The following ZNF878 variants were observed in gnomAD, a reference collection of about 807,000 sequenced individuals.
The protein encoded by ZNF878 is zinc finger protein 878.
Under a neutral mutation model 11.1 loss-of-function variants are expected in ZNF878, and 10 were observed. That is an observed-to-expected ratio of 0.90 (90% CI 0.56 to 1.53). The LOEUF is 1.53. Among genes scored for constraint, ZNF878 ranks in the 40% most tolerant of loss-of-function variants. The probability of loss-of-function intolerance (pLI) is 0.00; values close to 1 mark genes in which losing one functional copy is unlikely to be tolerated. For missense variants in ZNF878, 548 were observed against 626.1 expected, an observed-to-expected ratio of 0.88 and a Z score of 1.33; for synonymous variants, 165 against 209.7, an observed-to-expected ratio of 0.79 and a Z score of 1.84.
At chr19:12,047,219 G>A (rs768412223) in intron 1 of ZNF878, among the ~76,000 whole-genome samples, 1 of 152,028 alleles carries the variant, frequency 6.6e-6, no homozygotes, top group Non-Finnish European at 1.5e-5. Context: ...AGTAGCAGAA[G>A]CCAAAAACAA....
At position 12,044,553 on chromosome 19, in the gene ZNF878, T is replaced by A; in HGVS notation, c.848A>T (p.Tyr283Phe). ...HERTHSGEKP[Y>F]ECTQCRKAFR... Reference sequence around the variant, plus strand: ...GGCTTTCCTACATTGTGTACACTCATAGGGTTTCTCTCCACTGTGAGTCCT... The same window carrying A: ...GGCTTTCCTACATTGTGTACACTCAAAGGGTTTCTCTCCACTGTGAGTCCT... The change falls in exon 4 of 4, where the codon TAT (tyrosine) becomes TTT (phenylalanine). Residue 283 changes from tyrosine (Y) to phenylalanine (F), a missense_variant. Physicochemically the swap from Tyr to Phe is conservative, Grantham distance 22. Around this residue, in one of 3 missense-constraint regions of ZNF878, gnomAD observed 335 missense variants for 358.2 expected, o/e 0.94. Transcript: ENST00000547628. 1 of 1,614,054 alleles carries A rather than the reference T, an allele frequency of 6.2e-7. No homozygotes were observed. The highest frequency in any genetic ancestry group is 8.5e-7 in the Non-Finnish European group (1 of 1,180,000).
chr19:12,050,225 A>AAAAGT (rs1374060903), intron 1 of ZNF878, among the ~76,000 whole-genome samples: 1 of 151,686 alleles, frequency 6.6e-6, no homozygotes, highest in African/African-American at 2.4e-5. Flanking sequence ...ACTCCGTCTC[A>AAAAGT]AAAGTAAATA....
chr19:12,047,565 T>TA (rs58640903), intron 1 of ZNF878, among the ~76,000 whole-genome samples: 10,624 of 140,498 alleles, frequency 0.076, 1,201 homozygotes, highest in African/African-American at 0.25. Context: ...CTCCATCGGT[T>TA]AAAAAAAAAA....
Position 12,044,013 on chromosome 19 carries a change from GAAGA to G in ZNF878, c.1384_1387del (p.Ser462LeufsTer64), listed in dbSNP as rs2145516990. On this transcript the variant is annotated frameshift_variant, in exon 4 of 4. Transcript: ENST00000547628. LOFTEE classifies it low-confidence loss of function (END_TRUNC). ...CCTTTTATGATAGCGAATAGAATTA[GAAGA>G]AATGAAGGCTTTTCCACATTGCTTA... is the stretch of plus-strand genomic sequence containing the variant. The G allele has an allele frequency of 1.2e-6, 2 of 1,610,628 alleles. No individual in the cohort carries two copies. Among genetic ancestry groups the G allele is most frequent in the African/African-American group, 1.3e-5 (1 of 74,846 alleles).
At chr19:12,051,855 C>G (rs891814071) in intron 1 of ZNF878, among the ~76,000 whole-genome samples, 1 of 152,106 alleles carries the variant, frequency 6.6e-6, no homozygotes, top group Admixed American at 6.6e-5. Flanking sequence ...TGCAGTGAGC[C>G]GAGATGGCGC....
Position 12,052,945 on chromosome 19 carries a change from C to G in ZNF878, c.-144G>C. On this transcript the variant is annotated 5_prime_UTR_variant, in exon 1 of 4. Coordinates refer to ENST00000547628, the MANE Select transcript of ZNF878 (RefSeq NM_001080404.3). ...AGAAAGCCCCAGACCTTAACTAGCGCGAGCAGCCCTAGGAGTGAAGAGAGC... is the reference window on the plus strand; with the variant it reads ...AGAAAGCCCCAGACCTTAACTAGCGGGAGCAGCCCTAGGAGTGAAGAGAGC... 1 of 1,360,130 alleles carries G rather than the reference C, an allele frequency of 7.4e-7. No individual in the cohort carries two copies. The highest frequency in any genetic ancestry group is 1.4e-5 in the South Asian group (1 of 73,700). 84.3% of individuals were successfully genotyped at this position (1,360,130 alleles called of 1,614,324 possible). A position where few individuals can be genotyped will look rare whatever the true frequency, so the allele number is the denominator to read the frequency against.
At position 12,048,885 on chromosome 19, in the gene ZNF878, G is replaced by A. The variant is rs566338473; in HGVS notation, c.4-2125C>T. Among the ~76,000 whole-genome samples, 22 of 151,146 alleles carry A rather than the reference G, an allele frequency of 1.5e-4. No individual in the cohort carries two copies. In the South Asian group the frequency reaches 1.7e-3, roughly 12 times the overall value. ...AAAAGAAAAGAAAGAAAGGCTGGGCGCGGTGCCTCAGCACTTTGGGAAACT... is the reference window on the plus strand; with the variant it reads ...AAAAGAAAAGAAAGAAAGGCTGGGCACGGTGCCTCAGCACTTTGGGAAACT... On this transcript the variant is annotated intron_variant, in intron 1 of 3. Coordinates refer to ENST00000547628, the MANE Select transcript of ZNF878 (RefSeq NM_001080404.3).
In ZNF878 at chr19:12,046,701, C is replaced by T. The variant is rs760213450; in HGVS notation, c.63G>A (p.Leu21=). Residue 21 remains leucine (L), a synonymous_variant, in exon 2 of 4, where the codon CTG becomes CTA. Coordinates refer to ENST00000547628, the MANE Select transcript of ZNF878 (RefSeq NM_001080404.3). Reference sequence around the variant, plus strand: ...TGTAGAGATTTTTCTGGGAAGGATCCAGCAAAGCCCACTCCTCCTGGGTGA... The same window carrying T: ...TGTAGAGATTTTTCTGGGAAGGATCTAGCAAAGCCCACTCCTCCTGGGTGA... ...VNFTQEEWAL[L]DPSQKNLYRE... is the part of the protein sequence containing the mutation. 4 of 1,614,082 alleles carry T rather than the reference C, an allele frequency of 2.5e-6. No homozygotes were observed. The highest frequency in any genetic ancestry group is 3.4e-6 in the Non-Finnish European group (4 of 1,180,002).
At chr19:12,047,614 A>G (rs1170752191) in intron 1 of ZNF878, among the ~76,000 whole-genome samples, 2 of 152,070 alleles carry the variant, frequency 1.3e-5, no homozygotes, top group Non-Finnish European at 2.9e-5. Context: ...ACTAACTAAA[A>G]CAAAAACTCA....
chr19:12,051,689 A>T (rs777710956), intron 1 of ZNF878, among the ~76,000 whole-genome samples: 1 of 152,046 alleles, frequency 6.6e-6, no homozygotes, highest in Non-Finnish European at 1.5e-5. Flanking sequence ...GGCGGATCAC[A>T]AAGTCAGGAG....
At position 12,043,815 on chromosome 19, in the gene ZNF878, T is replaced by G; in HGVS notation, c.1586A>C (p.His529Pro). ...ACATCCATAGAGTTTCTAGCCAGCG[T>G]GAGTCCTTACATGCTTTTGAAGGAT... The part of the protein sequence containing the change: ...ASILQKHVRT[H>P]AG Residue 529 changes from histidine (H) to proline (P), a missense_variant, in exon 4 of 4, where the codon CAC becomes CCC. Coordinates refer to ENST00000547628, the MANE Select transcript of ZNF878 (RefSeq NM_001080404.3). 1 of 1,600,180 alleles carries G rather than the reference T, an allele frequency of 6.2e-7. No homozygotes were observed. Among genetic ancestry groups the G allele is most frequent in the Non-Finnish European group, 8.5e-7 (1 of 1,175,086 alleles).
At chr19:12,045,377 G>A (rs1320512422) in intron 3 of ZNF878, among the ~76,000 whole-genome samples, 168 bp from the exon 4 acceptor site, 1 of 152,176 alleles carries the variant, frequency 6.6e-6, no homozygotes, top group African/African-American at 2.4e-5. Flanking sequence ...GCCAGGCATG[G>A]TGGCTCACGC....
chr19:12,046,354 T>C lies in ZNF878; in HGVS notation c.191+14A>G, dbSNP rs1975487429. Reference sequence around the variant, plus strand: ...TATACAGAGACATTGTTTTCTCTTTTAAGTGCCAGTTACCTTAGGTTTCTC... The same window carrying C: ...TATACAGAGACATTGTTTTCTCTTTCAAGTGCCAGTTACCTTAGGTTTCTC... On this transcript the variant is annotated intron_variant, in intron 3 of 3. Transcript: ENST00000547628. 1.3e-6 allele frequency: 2 copies of C among 1,545,976 alleles called. No homozygotes were observed. Among genetic ancestry groups the C allele is most frequent in the East Asian group, 2.3e-5 (1 of 42,616 alleles).
chr19:12,051,021 G>C lies in ZNF878; in HGVS notation c.3+1778C>G, dbSNP rs1417723804. On this transcript the variant is annotated intron_variant, in intron 1 of 3. Transcript: ENST00000547628. ...TGAGGCAGGACAATGGCGTGAACCCGGGAGGCGGAGCTTGCAGTGAGCAGA... is the reference window on the plus strand; with the variant it reads ...TGAGGCAGGACAATGGCGTGAACCCCGGAGGCGGAGCTTGCAGTGAGCAGA... 2.0e-5 allele frequency among the ~76,000 whole-genome samples: 3 copies of C among 151,102 alleles called. No individual in the cohort carries two copies. In the East Asian group the frequency reaches 5.8e-4, roughly 29 times the overall value.
Position 12,046,728 on chromosome 19 carries a change from G to A in ZNF878, c.36C>T (p.Asn12=). 1 of 1,614,068 alleles carries A rather than the reference G, an allele frequency of 6.2e-7. No individual in the cohort carries two copies. Among genetic ancestry groups the A allele is most frequent in the South Asian group, 1.1e-5 (1 of 91,080 alleles). The change falls in exon 2 of 4, where the codon AAC becomes AAT. Residue 12 remains asparagine (N), a synonymous_variant. Coordinates refer to ENST00000547628, the MANE Select transcript of ZNF878 (RefSeq NM_001080404.3). Reference sequence around the variant, plus strand: ...GCAAAGCCCACTCCTCCTGGGTGAAGTTCACAGCCACATCCTCAAAGGCCA... The same window carrying A: ...GCAAAGCCCACTCCTCCTGGGTGAAATTCACAGCCACATCCTCAAAGGCCA... ...DSVAFEDVAV[N]FTQEEWALLD... is the part of the protein sequence containing the mutation.
chr19:12,046,317 A>T (rs111792811), intron 3 of ZNF878, 51 bp downstream of exon 3: 1 of 1,319,916 alleles, frequency 7.6e-7, no homozygotes, highest in African/African-American at 1.5e-5. Context: ...CTTTTCTTCC[A>T]TTCTAAGATT....
At chr19:12,048,610 G>A (rs1401435339) in intron 1 of ZNF878, among the ~76,000 whole-genome samples, 4 of 151,808 alleles carry the variant, frequency 2.6e-5, no homozygotes, top group Admixed American at 6.6e-5. Flanking sequence ...GGCACAGATG[G>A]ATCACCTGAG....
At chr19:12,051,872 A>C (rs1327324480) in intron 1 of ZNF878, among the ~76,000 whole-genome samples, 1 of 152,166 alleles carries the variant, frequency 6.6e-6, no homozygotes, top group Non-Finnish European at 1.5e-5. Flanking sequence ...GCGCCACAGC[A>C]CTTCAGCCTG....
intron 1 of ZNF878, among the ~76,000 whole-genome samples, chr19:12,051,114 A>AAG (rs1975547180): frequency 1.8e-5 from 2 of 110,050 alleles, no homozygotes; most frequent in African/African-American, 1.7e-4. Context: ...AAAAAAAAAA[A>AAG]AAAAGAAAAG....
Sources: allele counts gnomAD v4.1 joint callset (sites outside exome capture counted in the v4.1 genomes callset), GRCh38; gene constraint gnomAD v4.1.1; regional missense constraint gnomAD v4.1.1; transcripts MANE v1.5; gene names NCBI Gene and HGNC (gene_info 2026-07-23, HGNC 2026-07-21).